CEP63: variants seen among roughly 807,000 people sequenced by gnomAD.
The protein encoded by CEP63 is centrosomal protein of 63 kDa.
In CEP63, 84 loss-of-function variants were observed where a neutral mutation model predicts 89.1. The ratio of observed to expected loss-of-function variants is 0.94; its 90% CI spans 0.79 to 1.13. The LOEUF is 1.13. CEP63 is among the 50% of genes most tolerant of loss of function. The pLI is 0.00. For missense variants in CEP63, 838 were observed against 813.3 expected (o/e 1.03, Z -0.37); for synonymous variants, 267 against 272.5 (o/e 0.98, Z 0.20).
chr3:134,664,802 T>C, the CEP63 span, among the ~76,000 whole-genome samples: 1 of 152,028 alleles, frequency 6.6e-6, no homozygotes, highest in Admixed American at 6.5e-5. Context: ...GAGTAATGGG[T>C]ATATTGATTC....
intron 5 of CEP63, 155 bp from the exon 6 acceptor site, chr3:134,537,000 G>A (rs973858591): frequency 2.9e-6 from 2 of 681,796 alleles, no homozygotes; most frequent in Non-Finnish European, 5.5e-6. Flanking sequence ...TTACTCTCCA[G>A]CTCTGTTAGC....
chr3:134,550,335 A>G, intron 11 of CEP63, 75 bp downstream of exon 11: 1 of 1,354,468 alleles, frequency 7.4e-7, no homozygotes, highest in African/African-American at 1.5e-5. Context: ...CATAATTTTC[A>G]TAATATTTAA....
chr3:134,580,584 C>G (rs6793487), intron 10 of CEP63, among the ~76,000 whole-genome samples: 53,930 of 152,010 alleles, frequency 0.35, 10,091 homozygotes, highest in African/African-American at 0.47. Flanking sequence ...ATACCAAAAG[C>G]TGACAAAGAC....
At chr3:134,715,219 C>A in the CEP63 span, among the ~76,000 whole-genome samples, 1 of 152,192 alleles carries the variant, frequency 6.6e-6, no homozygotes, top group Non-Finnish European at 1.5e-5. Flanking sequence ...CAGCTGTGGC[C>A]TTCTGTTTTA....
chr3:134,737,173 A>C, the CEP63 span, among the ~76,000 whole-genome samples: 1 of 152,244 alleles, frequency 6.6e-6, no homozygotes, highest in Admixed American at 6.5e-5. Flanking sequence ...ATTTAAAACA[A>C]AAATTAAAAA....
chr3:134,678,627 A>G, the CEP63 span, among the ~76,000 whole-genome samples: 265 of 152,286 alleles, frequency 1.7e-3, 2 homozygotes, highest in African/African-American at 6.0e-3. Context: ...AAATCCCTCA[A>G]CACTTATGAA....
chr3:134,628,082 C>G, the CEP63 span: 1 of 535,246 alleles, frequency 1.9e-6, no homozygotes, highest in Non-Finnish European at 3.4e-6. Context: ...AGTATTTGCT[C>G]TGACCTAACA....
the CEP63 span, among the ~76,000 whole-genome samples, chr3:134,747,319 A>G: frequency 6.6e-6 from 1 of 152,188 alleles, no homozygotes; most frequent in African/African-American, 2.4e-5. Flanking sequence ...TGTTTTGGTT[A>G]CTGTAGCCTT....
At chr3:134,586,540 A>T (rs1196385016) in intron 10 of CEP63, among the ~76,000 whole-genome samples, 1 of 152,176 alleles carries the variant, frequency 6.6e-6, no homozygotes, top group East Asian at 1.9e-4. Flanking sequence ...TCTGGCTTGT[A>T]GGGTTTTTGC....
At chr3:134,721,923 C>T in the CEP63 span, among the ~76,000 whole-genome samples, 1 of 152,012 alleles carries the variant, frequency 6.6e-6, no homozygotes, top group African/African-American at 2.4e-5. Flanking sequence ...TCTTGTTCTA[C>T]AAGTTTCTCT....
intron 3 of CEP63, among the ~76,000 whole-genome samples, chr3:134,508,822 C>T (rs559580626): frequency 1.3e-5 from 2 of 152,192 alleles, no homozygotes; most frequent in East Asian, 3.9e-4. Flanking sequence ...AGAATTGCAG[C>T]TCTCTGGTTA....
In CEP63 at chr3:134,565,005, C is replaced by T; in HGVS notation, c.*3470C>T. On this transcript the variant is annotated 3_prime_UTR_variant, in exon 15 of 15. Coordinates refer to ENST00000675561, the MANE Select transcript of CEP63 (RefSeq NM_001353108.3). ...ATTTTTCAAAAAGATATATTAATAC[C>T]AAATATTAAAATGTGTCAAGACTAA... The T allele has an allele frequency of 1.0e-6, 1 of 957,802 alleles. No individual in the cohort carries two copies. The highest frequency in any genetic ancestry group is 1.2e-6 in the Non-Finnish European group (1 of 805,060). 59.3% of individuals were successfully genotyped at this position (957,802 alleles called of 1,614,324 possible). A position where few individuals can be genotyped will look rare whatever the true frequency, so the allele number is the denominator to read the frequency against.
At chr3:134,500,752 G>A (rs1941729666) in intron 2 of CEP63, among the ~76,000 whole-genome samples, 1 of 152,076 alleles carries the variant, frequency 6.6e-6, no homozygotes. Flanking sequence ...TTGGATGCAT[G>A]GTTTGCAAAT....
chr3:134,540,295 C>T (rs908041328), intron 6 of CEP63, among the ~76,000 whole-genome samples: 6 of 152,136 alleles, frequency 3.9e-5, no homozygotes, highest in African/African-American at 9.7e-5. Context: ...TCCCCCCTAT[C>T]GTTAAATGTA....
chr3:134,557,683 A>T (rs891118905), intron 12 of CEP63, among the ~76,000 whole-genome samples: 18 of 152,046 alleles, frequency 1.2e-4, no homozygotes, highest in Admixed American at 1.2e-3. Flanking sequence ...AAGATTAGAG[A>T]TTATTTATTT....
rs1282459648 is a variant in CEP63, at chr3:134,563,216, T to G, written c.*1681T>G. The G allele has an allele frequency of 2.0e-5, 3 of 152,268 alleles. No homozygotes were observed. Among genetic ancestry groups the G allele is most frequent in the African/African-American group, 7.2e-5 (3 of 41,428 alleles). 9.4% of individuals were successfully genotyped at this position (152,268 alleles called of 1,614,324 possible). A position where few individuals can be genotyped will look rare whatever the true frequency, so the allele number is the denominator to read the frequency against. On this transcript the variant is annotated 3_prime_UTR_variant, in exon 15 of 15. Coordinates refer to ENST00000675561, the MANE Select transcript of CEP63 (RefSeq NM_001353108.3). ...TCATTTGGGAGGTCCTGTCATTTCT[T>G]CCCCCAGAATCTTATCTCAGACCCA... is the stretch of plus-strand genomic sequence containing the variant.
rs149743042 is a variant in CEP63 at position 134,504,594 on chromosome 3, G to A, written c.45-2515G>A. On this transcript the variant is annotated intron_variant, in intron 2 of 14. Transcript: ENST00000675561. ...ATGTGCCTTAGAGAAGACCTTTTTA[G>A]GTTGAATCTATTTGGGGATATTTGA... 4.8e-3 allele frequency among the ~76,000 whole-genome samples: 737 copies of A among 152,228 alleles called. 4 individuals are homozygous for A. The highest frequency in any genetic ancestry group is 0.017 in the African/African-American group (711 of 41,546).
At chr3:134,591,427 T>C (rs570876677), downstream of CEP63, among the ~76,000 whole-genome samples, 2 of 152,360 alleles carry the variant, frequency 1.3e-5, no homozygotes, top group East Asian at 3.9e-4. Flanking sequence ...AATTTAATCC[T>C]CAGCAGATTC....
At chr3:134,777,606 G>T in the CEP63 span, among the ~76,000 whole-genome samples, 5 of 112,072 alleles carry the variant, frequency 4.5e-5, no homozygotes, top group Admixed American at 3.7e-4. Flanking sequence ...TGAAAGAATA[G>T]AATTTTTTTT....
Sources: gnomAD v4.1 joint callset for allele counts (sites outside exome capture counted in the v4.1 genomes callset) on GRCh38, gnomAD v4.1.1 for gene constraint, MANE v1.5 for transcripts, NCBI Gene and HGNC (gene_info 2026-07-23, HGNC 2026-07-21) for gene names.